Variants in PCDH9 observed in about 807,000 individuals in gnomAD.
PCDH9 encodes the protein protocadherin 9.
PCDH9 carries 24 observed loss-of-function variants against 70.6 expected under a neutral mutation model. That is an observed-to-expected ratio of 0.34 (90% CI 0.25 to 0.48). The LOEUF is 0.48. Among genes scored for constraint, PCDH9 ranks in the 20% least tolerant of loss-of-function variants. The pLI is 0.99. For synonymous variants in PCDH9, 562 were observed against 558.5 expected, an observed-to-expected ratio of 1.01 and a Z score of -0.09; for missense variants, 1,281 against 1,503.6, an observed-to-expected ratio of 0.85 and a Z score of 2.45.
intron 3 of PCDH9, among the ~76,000 whole-genome samples, chr13:66,773,016 G>A (rs1336228110): frequency 6.6e-6 from 1 of 152,072 alleles, no homozygotes; most frequent in African/African-American, 2.4e-5. Context: ...ACGTGAACCT[G>A]AATAAATTAA....
chr13:67,023,980 A>T (rs376491298), intron 2 of PCDH9, among the ~76,000 whole-genome samples: 32 of 152,114 alleles, frequency 2.1e-4, no homozygotes, highest in African/African-American at 7.0e-4. Context: ...GGAAGAAAAA[A>T]AAAAGAAACA....
intron 2 of PCDH9, among the ~76,000 whole-genome samples, chr13:67,138,078 T>C (rs969961854): frequency 6.6e-6 from 1 of 151,598 alleles, no homozygotes; most frequent in Non-Finnish European, 1.5e-5. Flanking sequence ...AAGTCCACTT[T>C]AGCTAAATTA....
intron 4 of PCDH9, among the ~76,000 whole-genome samples, chr13:66,556,174 G>C (rs982983139): frequency 1.3e-5 from 2 of 151,734 alleles, no homozygotes; most frequent in African/African-American, 2.4e-5. Flanking sequence ...CCAGACATCT[G>C]AATGTTATCT....
At chr13:66,875,594 A>G (rs1329350025) in intron 3 of PCDH9, among the ~76,000 whole-genome samples, 1 of 152,168 alleles carries the variant, frequency 6.6e-6, no homozygotes, top group Non-Finnish European at 1.5e-5. Flanking sequence ...CAGTGAAAAG[A>G]ACTGCACTAT....
intron 3 of PCDH9, among the ~76,000 whole-genome samples, chr13:66,824,323 A>G (rs1476578860): frequency 2.0e-5 from 1 of 49,744 alleles, no homozygotes; most frequent in Non-Finnish European, 4.9e-5. Context: ...ATATATATAT[A>G]TATATATATA....
At chr13:67,046,979 A>T (rs10492596) in intron 2 of PCDH9, among the ~76,000 whole-genome samples, 15,179 of 152,180 alleles carry the variant, frequency 0.1, 834 homozygotes, top group Non-Finnish European at 0.12. Flanking sequence ...TTCCGATAGA[A>T]CATTTCAAAT....
chr13:66,943,086 T>C (rs1704683984), intron 2 of PCDH9, among the ~76,000 whole-genome samples: 1 of 152,058 alleles, frequency 6.6e-6, no homozygotes, highest in Admixed American at 6.6e-5. Context: ...TACTGTTACA[T>C]AGTAAACATA....
chr13:67,068,209 A>C (rs2085689262), intron 2 of PCDH9, among the ~76,000 whole-genome samples: 1 of 151,888 alleles, frequency 6.6e-6, no homozygotes, highest in African/African-American at 2.4e-5. Flanking sequence ...TGTTAGGTAA[A>C]TGGAGTCTAT....
chr13:66,315,760 C>T (rs1056731664), intron 4 of PCDH9, among the ~76,000 whole-genome samples: 1 of 152,180 alleles, frequency 6.6e-6, no homozygotes, highest in Non-Finnish European at 1.5e-5. Flanking sequence ...GGATTACAGG[C>T]GTGAGCTACT....
intron 3 of PCDH9, among the ~76,000 whole-genome samples, chr13:66,855,300 G>A (rs1171251613): frequency 1.3e-5 from 2 of 152,038 alleles, no homozygotes; most frequent in Non-Finnish European, 2.9e-5. Flanking sequence ...CATAAGATGA[G>A]TAATCAGCTC....
chr13:67,147,161 C>A (rs1180046764), intron 2 of PCDH9, among the ~76,000 whole-genome samples: 3 of 152,136 alleles, frequency 2.0e-5, no homozygotes, highest in Non-Finnish European at 4.4e-5. Flanking sequence ...CTTCCGAAAT[C>A]ATCATTTTCA....
At chr13:66,879,926 G>T (rs1260940282) in intron 3 of PCDH9, 3 of 151,988 alleles carry the variant, frequency 2.0e-5, no homozygotes, top group African/African-American at 7.2e-5. Flanking sequence ...TTAGTAACTT[G>T]GCTTGAAGAC....
chr13:66,934,145 T>C (rs1414025104), intron 2 of PCDH9, among the ~76,000 whole-genome samples: 2 of 152,120 alleles, frequency 1.3e-5, no homozygotes, highest in Non-Finnish European at 2.9e-5. Context: ...CAGCATTGAC[T>C]CAGCAGAATG....
chr13:66,902,350 A>G, intron 3 of PCDH9, among the ~76,000 whole-genome samples: 1 of 146,508 alleles, frequency 6.8e-6, no homozygotes, highest in East Asian at 1.9e-4. Context: ...AACTTCCACT[A>G]ATGTTTTATC....
At chr13:66,747,147 C>G (rs1019921462) in intron 3 of PCDH9, among the ~76,000 whole-genome samples, 3 of 152,084 alleles carry the variant, frequency 2.0e-5, no homozygotes, top group Non-Finnish European at 4.4e-5. Flanking sequence ...GTCAGGAGTT[C>G]AAGACCAGTC....
At chr13:67,006,435 G>A (rs1406249452) in intron 2 of PCDH9, among the ~76,000 whole-genome samples, 1 of 152,138 alleles carries the variant, frequency 6.6e-6, no homozygotes, top group African/African-American at 2.4e-5. Context: ...AGAATTACCC[G>A]AATAATGTAT....
Position 66,327,023 on chromosome 13 carries a change from C to T in PCDH9, c.3341-21995G>A, listed in dbSNP as rs530839697. ...TTTTTTCTGTATTTTGTTACCTCTC[C>T]AAGGCAGTCCAAATTGTCTTTCTTA... On this transcript the variant is annotated intron_variant, in intron 4 of 4. Transcript: ENST00000377865. Among the ~76,000 whole-genome samples the T allele has an allele frequency of 1.6e-4, 24 of 151,976 alleles. 1 individual carries two copies. The highest frequency in any genetic ancestry group is 1.4e-3 in the Admixed American group (22 of 15,268).
At chr13:67,098,831 G>T (rs2086375210) in intron 2 of PCDH9, among the ~76,000 whole-genome samples, 2 of 152,020 alleles carry the variant, frequency 1.3e-5, no homozygotes, top group Non-Finnish European at 2.9e-5. Flanking sequence ...CAGTGAAAAT[G>T]ATATAGTAAA....
chr13:66,463,012 G>A (rs1958452427), intron 4 of PCDH9, among the ~76,000 whole-genome samples: 1 of 151,830 alleles, frequency 6.6e-6, no homozygotes, highest in Non-Finnish European at 1.5e-5. Context: ...AATGCCATAT[G>A]CATTGCATGA....
Sources: gnomAD v4.1 joint callset for allele counts (sites outside exome capture counted in the v4.1 genomes callset) on GRCh38, gnomAD v4.1.1 for gene constraint, MANE v1.5 for transcripts, NCBI Gene and HGNC (gene_info 2026-07-23, HGNC 2026-07-21) for gene names.